Variants in DPH7 observed in about 807,000 individuals in gnomAD.
DPH7 encodes diphthine methyltransferase.
Under a neutral mutation model 41.7 loss-of-function variants are expected in DPH7, and 44 were observed. The observed-to-expected ratio is 1.05, with a 90% CI of 0.83 to 1.36. DPH7 has a LOEUF of 1.36. Ranked by LOEUF, DPH7 falls within the 40% of genes most tolerant of loss-of-function variation. The probability of loss-of-function intolerance (pLI) is 0.00; values close to 1 mark genes in which losing one functional copy is unlikely to be tolerated. For synonymous variants in DPH7, 275 were observed against 238.0 expected, an observed-to-expected ratio of 1.16 and a Z score of -1.43; for missense variants, 629 against 577.5, an observed-to-expected ratio of 1.09 and a Z score of -0.91.
chr9:137,569,976 T>C (rs1441647812), intron 5 of DPH7, among the ~76,000 whole-genome samples: 3 of 130,622 alleles, frequency 2.3e-5, no homozygotes, highest in Middle Eastern at 0.012. Flanking sequence ...CATCCAGTCA[T>C]CCACCATCCA....
chr9:137,577,331 T>C (rs940203190), intron 2 of DPH7, 139 bp downstream of exon 2: 2 of 849,728 alleles, frequency 2.4e-6, no homozygotes, highest in Middle Eastern at 2.4e-4. Context: ...ACTCCCCAGG[T>C]GGAAGATAGG....
chr9:137,568,838 C>G (rs1031701004), intron 5 of DPH7, among the ~76,000 whole-genome samples: 1 of 152,116 alleles, frequency 6.6e-6, no homozygotes, highest in Non-Finnish European at 1.5e-5. Flanking sequence ...GTTACTAGGT[C>G]CTAGGGGCTA....
chr9:137,577,449 G>A (rs1322177801), intron 2 of DPH7, 21 bp downstream of exon 2: 8 of 1,610,796 alleles, frequency 5.0e-6, no homozygotes, highest in African/African-American at 4.0e-5. Context: ...TCTACACCCA[G>A]TGGGATTATC....
rs1250681334 is a variant in DPH7 at position 137,556,518 on chromosome 9, G to A, written c.950-870C>T. ...GAAGGGCTGAGGGCAGAACAGGACCGCACTGGATTACAAAACGTGCCGAGG... is the reference window on the plus strand; with the variant it reads ...GAAGGGCTGAGGGCAGAACAGGACCACACTGGATTACAAAACGTGCCGAGG... On this transcript the variant is annotated intron_variant, in intron 8 of 8. Transcript: ENST00000277540. This position sits in a 1 kb window ranked among gnomAD's most constrained non-coding sequence, Gnocchi z 5.2. The A allele has an allele frequency of 7.2e-6, 2 of 277,238 alleles. No homozygotes were observed. The highest frequency in any genetic ancestry group is 3.3e-5 in the South Asian group (1 of 30,342). The allele number at this position is 277,238 out of a possible 1,614,324, so 17.2% of individuals were successfully genotyped here. A position where few individuals can be genotyped will look rare whatever the true frequency, so the allele number is the denominator to read the frequency against.
rs529088460 is a variant in DPH7 at position 137,576,221 on chromosome 9, A to G, written c.288-54T>C. The G allele has an allele frequency of 2.3e-5, 35 of 1,512,284 alleles. No homozygotes were observed. The South Asian group carries it at 3.9e-4, about 17-fold the overall frequency. The allele number at this position is 1,512,284 out of a possible 1,614,324, so 93.7% of individuals were successfully genotyped here. ...CAATGTGCCCGGAGCACAGGCGTGC[A>G]CTGTGCGTCCCGGTAACCACAGTCA... On this transcript the variant is annotated intron_variant, in intron 2 of 8. Coordinates refer to ENST00000277540, the MANE Select transcript of DPH7 (RefSeq NM_138778.5).
intron 8 of DPH7, among the ~76,000 whole-genome samples, chr9:137,557,716 G>T (rs1318335283): frequency 5.3e-5 from 8 of 151,940 alleles, no homozygotes; most frequent in Admixed American, 5.2e-4. Flanking sequence ...CTACACAGGA[G>T]CCTGAGGCAG....
At chr9:137,563,340 G>A (rs763097196) in intron 8 of DPH7, among the ~76,000 whole-genome samples, 14 of 152,014 alleles carry the variant, frequency 9.2e-5, no homozygotes, top group African/African-American at 2.2e-4. Context: ...AGACCAGCCT[G>A]ACCAACATGG....
At chr9:137,570,698 C>T (rs1840283180) in intron 5 of DPH7, among the ~76,000 whole-genome samples, 1 of 152,152 alleles carries the variant, frequency 6.6e-6, no homozygotes, top group East Asian at 1.9e-4. Context: ...CTGATTTCAC[C>T]CTCTTCTATT....
chr9:137,564,015 A>C (rs778295585), intron 8 of DPH7, among the ~76,000 whole-genome samples: 4 of 152,142 alleles, frequency 2.6e-5, no homozygotes, highest in Non-Finnish European at 4.4e-5. Flanking sequence ...AGAGTGTGAG[A>C]AAGGGATGAA....
At chr9:137,565,210 A>T in intron 5 of DPH7, 56 bp from the exon 6 acceptor site, 1 of 1,584,374 alleles carries the variant, frequency 6.3e-7, no homozygotes, top group Non-Finnish European at 8.7e-7. Flanking sequence ...GAGTGTTCTC[A>T]GTTAGGCCGT....
In DPH7 at chr9:137,578,750, C is replaced by A; in HGVS notation, c.28G>T (p.Val10Leu). 1 of 1,521,782 alleles carries A rather than the reference C, an allele frequency of 6.6e-7. No individual in the cohort carries two copies. 94.3% of individuals were successfully genotyped at this position (1,521,782 alleles called of 1,614,324 possible). A position where few individuals can be genotyped will look rare whatever the true frequency, so the allele number is the denominator to read the frequency against. The change falls in exon 1 of 9, where the codon GTG becomes TTG. Residue 10 changes from valine to leucine, a missense_variant. Val to Leu is a conservative substitution (Grantham distance 32). Coordinates refer to ENST00000277540, the MANE Select transcript of DPH7 (RefSeq NM_138778.5). The part of the protein sequence containing the change: MMGCFALQT[V>L]DTELTADSVE... ...GAGTCCGCGGTCAGCTCGGTGTCCA[C>A]CGTTTGCAGGGCGAAACAGCCCATC...
In DPH7 at chr9:137,577,613, A is replaced by T. The variant is rs1277945536; in HGVS notation, c.154-10T>A. ...TAACTTCCATTCCACCCTACAAAAA[A>T]TGCAGAGGTAGTCTCTGATTATCCC... is the stretch of plus-strand genomic sequence containing the variant. On this transcript the variant is annotated splice_polypyrimidine_tract_variant and intron_variant, in intron 1 of 8. Transcript: ENST00000277540. The T allele has an allele frequency of 6.2e-7, 1 of 1,612,448 alleles. No individual in the cohort carries two copies. Among genetic ancestry groups the T allele is most frequent in the East Asian group, 2.2e-5 (1 of 44,852 alleles).
In DPH7 at chr9:137,574,352, T is replaced by C. The variant is rs935662027; in HGVS notation, c.496A>G (p.Ser166Gly). Residue 166 changes from serine (S) to glycine (G), a missense_variant, in exon 5 of 9, where the codon AGC becomes GGC. By Grantham distance (56) the Ser-to-Gly change is moderately conservative. Coordinates refer to ENST00000277540, the MANE Select transcript of DPH7 (RefSeq NM_138778.5). ...RAGDQPLKII[S>G]SDSTGQLHLL... ...TGGAGCTGCCCTGTGGAGTCACTGC[T>C]GATGATCTTCAAGGGCTGGTCCCCG... 5.0e-6 allele frequency: 8 copies of C among 1,614,176 alleles called. No homozygotes were observed. The highest frequency in any genetic ancestry group is 6.8e-6 in the Non-Finnish European group (8 of 1,180,024).
Position 137,577,461 on chromosome 9 carries a change from C to T in DPH7, c.287+9G>A. The T allele has an allele frequency of 6.2e-7, 1 of 1,613,710 alleles. No homozygotes were observed. Among genetic ancestry groups the T allele is most frequent in the Non-Finnish European group, 8.5e-7 (1 of 1,179,806 alleles). On this transcript the variant is annotated intron_variant, in intron 2 of 8. Transcript: ENST00000277540. ...AATTCTACACCCAGTGGGATTATCA[C>T]AGTTATACCATTTCATGTCCAGGAT... is the stretch of plus-strand genomic sequence containing the variant.
intron 8 of DPH7, among the ~76,000 whole-genome samples, chr9:137,557,235 C>T (rs1204170654): frequency 2.0e-5 from 3 of 152,326 alleles, no homozygotes; most frequent in Admixed American, 6.5e-5. Flanking sequence ...AGGCCGGGCG[C>T]GGTGGCTCAC....
intron 8 of DPH7, among the ~76,000 whole-genome samples, chr9:137,562,664 G>A (rs1222334909): frequency 6.6e-6 from 1 of 152,202 alleles, no homozygotes; most frequent in Non-Finnish European, 1.5e-5. Context: ...TACTCGGGAG[G>A]CTGAGGTGGA....
intron 3 of DPH7, 53 bp downstream of exon 3, chr9:137,576,027 A>G (rs372395063): frequency 3.3e-4 from 527 of 1,610,138 alleles, no homozygotes; most frequent in Non-Finnish European, 4.0e-4. Flanking sequence ...CTCCTCCCCA[A>G]CCCTCTCTAT....
At chr9:137,565,305 G>A (rs1271101747) in intron 5 of DPH7, 151 bp from the exon 6 acceptor site, 1 of 204,394 alleles carries the variant, frequency 4.9e-6, no homozygotes, top group Non-Finnish European at 8.4e-6. Context: ...GCTCCCCTGG[G>A]TGACTGTCTG....
intron 1 of DPH7, 100 bp from the exon 2 acceptor site, chr9:137,577,703 A>G (rs1424899019): frequency 5.6e-6 from 8 of 1,438,876 alleles, no homozygotes; most frequent in Non-Finnish European, 7.6e-6. Context: ...TGCCATGACT[A>G]AAGGAGTGGA....
Sources: allele counts gnomAD v4.1 joint callset (sites outside exome capture counted in the v4.1 genomes callset), GRCh38; gene constraint gnomAD v4.1.1; non-coding constraint Gnocchi (gnomAD v3.1); transcripts MANE v1.5; gene names NCBI Gene and HGNC (gene_info 2026-07-23, HGNC 2026-07-21).